The following TLN1 variants were observed in gnomAD, a reference collection of about 807,000 sequenced individuals.
The protein encoded by TLN1 is talin-1.
Under a neutral mutation model 292.3 loss-of-function variants are expected in TLN1, and 56 were observed. That is an observed-to-expected ratio of 0.19 (90% CI 0.15 to 0.24). The LOEUF (loss-of-function observed/expected upper bound fraction) is 0.24, where lower values mean the gene tolerates loss of function less well. Among genes scored for constraint, TLN1 ranks in the 10% least tolerant of loss-of-function variants. The probability of loss-of-function intolerance (pLI) is 1.00; values close to 1 mark genes in which losing one functional copy is unlikely to be tolerated. For missense variants in TLN1, 2,433 were observed against 3,248.2 expected, an observed-to-expected ratio of 0.75 and a Z score of 6.10; for synonymous variants, 1,119 against 1,253.7, an observed-to-expected ratio of 0.89 and a Z score of 2.27.
At position 35,719,529 on chromosome 9, in the gene TLN1, G is replaced by T. The variant is rs773478129; in HGVS notation, c.1677C>A (p.Asn559Lys). The T allele has an allele frequency of 1.9e-6, 3 of 1,613,834 alleles. No homozygotes were observed. The East Asian group carries it at 6.7e-5, about 36-fold the overall frequency. ...AITAGTASVVNLTAGDPAETD... is the reference protein window; with the variant it reads ...AITAGTASVVKLTAGDPAETD... ...TAGCATCCGGCCTACCTGCTGTCAGGTTCACCACAGACGCAGTACCAGCTG... is the reference window on the plus strand; with the variant it reads ...TAGCATCCGGCCTACCTGCTGTCAGTTTCACCACAGACGCAGTACCAGCTG... The change falls in exon 15 of 57, where the codon AAC becomes AAA. Residue 559 changes from asparagine (N) to lysine (K), a missense_variant. This residue lies in a region of TLN1 where 617 missense variants were observed against 770.6 expected (regional missense o/e 0.80). Coordinates refer to ENST00000314888, the MANE Select transcript of TLN1 (RefSeq NM_006289.4). The surrounding 1 kb of genome is among the most constrained non-coding windows in gnomAD (Gnocchi z 4.6).
chr9:35,699,522 G>GA lies in TLN1; in HGVS notation c.6769-62dup. On this transcript the variant is annotated intron_variant, in intron 50 of 56. Transcript: ENST00000314888. This position sits in a 1 kb window ranked among gnomAD's most constrained non-coding sequence, Gnocchi z 4.0. Reference sequence around the variant, plus strand: ...CATCTTAGGGTCTACCCTGATCTATGAAATAGGGCAGACCATGGCCCCCTC... The same window carrying GA: ...CATCTTAGGGTCTACCCTGATCTATGAAAATAGGGCAGACCATGGCCCCCTC... 1.3e-6 allele frequency: 2 copies of GA among 1,547,310 alleles called. No individual in the cohort carries two copies. Among genetic ancestry groups the GA allele is most frequent in the Non-Finnish European group, 1.7e-6 (2 of 1,143,520 alleles).
intron 1 of TLN1, among the ~76,000 whole-genome samples, chr9:35,730,980 G>T (rs1301968228): frequency 6.6e-6 from 1 of 152,032 alleles, no homozygotes; most frequent in African/African-American, 2.4e-5. Context: ...CACCTATGTT[G>T]TCTGTAAACA....
rs142101772 is a variant in TLN1 at position 35,726,814 on chromosome 9, A to G, written c.-33-1087T>C. On this transcript the variant is annotated intron_variant, in intron 1 of 56. Transcript: ENST00000314888. ...TTGTGTTTTGGAGAAGGGGAAATAG[A>G]CTCTGGGAGGCCAGGAAACATTTTC... Among the ~76,000 whole-genome samples, 520 of 152,280 alleles carry G rather than the reference A, an allele frequency of 3.4e-3. 3 individuals carry two copies. The highest frequency in any genetic ancestry group is 5.8e-3 in the Non-Finnish European group (397 of 68,022).
chr9:35,708,023 T>C (rs1825596132), intron 34 of TLN1, 131 bp from the exon 35 acceptor site: 1 of 1,110,016 alleles, frequency 9.0e-7, no homozygotes, highest in Admixed American at 2.5e-5. Context: ...CAGAGTCACC[T>C]GAAAAGTCAA....
intron 34 of TLN1, 73 bp downstream of exon 34, chr9:35,708,268 C>T: frequency 6.7e-7 from 1 of 1,484,702 alleles, no homozygotes; most frequent in Non-Finnish European, 9.0e-7. Flanking sequence ...CCACATGCCT[C>T]ACCTCCCTCT....
rs906098210 is a variant in TLN1 at position 35,721,914 on chromosome 9, G to A, written c.949-111C>T. ...TGTTGAGGTGGCCGGGAGGGCTAACGGACAAGGGAAAATGCAGGGTAGGGA... is the reference window on the plus strand; with the variant it reads ...TGTTGAGGTGGCCGGGAGGGCTAACAGACAAGGGAAAATGCAGGGTAGGGA... On this transcript the variant is annotated intron_variant, in intron 9 of 56. Coordinates refer to ENST00000314888, the MANE Select transcript of TLN1 (RefSeq NM_006289.4). 49 of 1,427,968 alleles carry A rather than the reference G, an allele frequency of 3.4e-5. 1 individual carries two copies. Among genetic ancestry groups the A allele is most frequent in the African/African-American group, 3.3e-4 (23 of 70,734 alleles). The allele number at this position is 1,427,968 out of a possible 1,614,324, so 88.5% of individuals were successfully genotyped here.
Position 35,719,955 on chromosome 9 carries a change from G to A in TLN1, c.1464+84C>T, listed in dbSNP as rs181401539. The stretch of plus-strand genomic sequence containing the variant: ...AGGGAGAGAATACAAATAGGGACCT[G>A]GGAAAAGACTGCCTAACTCCTGGCT... On this transcript the variant is annotated intron_variant, in intron 13 of 56. Coordinates refer to ENST00000314888, the MANE Select transcript of TLN1 (RefSeq NM_006289.4). This position sits in a 1 kb window ranked among gnomAD's most constrained non-coding sequence, Gnocchi z 4.6. 3 of 1,588,338 alleles carry A rather than the reference G, an allele frequency of 1.9e-6. No individual in the cohort carries two copies. In the South Asian group the frequency reaches 3.4e-5, roughly 18 times the overall value.
In TLN1 at chr9:35,717,030, C is replaced by A; in HGVS notation, c.2458+116G>T. On this transcript the variant is annotated intron_variant, in intron 19 of 56. Coordinates refer to ENST00000314888, the MANE Select transcript of TLN1 (RefSeq NM_006289.4). This position sits in a 1 kb window ranked among gnomAD's most constrained non-coding sequence, Gnocchi z 4.7. ...AGCCTATGGTTGTGTGGCTGGCAAGCCCACACTGTGCTGAGTTCCTTGGGG... is the reference window on the plus strand; with the variant it reads ...AGCCTATGGTTGTGTGGCTGGCAAGACCACACTGTGCTGAGTTCCTTGGGG... 1 of 1,206,728 alleles carries A rather than the reference C, an allele frequency of 8.3e-7. No individual in the cohort carries two copies. 74.8% of individuals were successfully genotyped at this position (1,206,728 alleles called of 1,614,324 possible). A position where few individuals can be genotyped will look rare whatever the true frequency, so the allele number is the denominator to read the frequency against.
At chr9:35,709,421 C>A (rs982622576) in intron 33 of TLN1, among the ~76,000 whole-genome samples, 1 of 152,180 alleles carries the variant, frequency 6.6e-6, no homozygotes, top group Non-Finnish European at 1.5e-5. Flanking sequence ...GGTAGGCTTT[C>A]AGGGAAAATA....
intron 25 of TLN1, 104 bp downstream of exon 25, chr9:35,713,849 A>C (rs531248294): frequency 7.8e-7 from 1 of 1,288,086 alleles, no homozygotes; most frequent in South Asian, 1.7e-5. Flanking sequence ...AGAGAAAGAG[A>C]AAAAAGAAAA....
At position 35,700,100 on chromosome 9, in the gene TLN1, G is replaced by C; in HGVS notation, c.6661-19C>G. 1.2e-6 allele frequency: 2 copies of C among 1,604,442 alleles called. No individual in the cohort carries two copies. Among genetic ancestry groups the C allele is most frequent in the Admixed American group, 1.7e-5 (1 of 59,584 alleles). On this transcript the variant is annotated intron_variant, in intron 49 of 56. Coordinates refer to ENST00000314888, the MANE Select transcript of TLN1 (RefSeq NM_006289.4). ...CTGCTTCCTGTCCCCAGAGTAATAT[G>C]TTAGCTTTAGGCCCCGCAGATCCCT...
At position 35,717,500 on chromosome 9, in the gene TLN1, C is replaced by T; in HGVS notation, c.2164-60G>A. On this transcript the variant is annotated intron_variant, in intron 18 of 56. Transcript: ENST00000314888. This position sits in a 1 kb window ranked among gnomAD's most constrained non-coding sequence, Gnocchi z 4.7. ...GGGAAAGGAGGTAGAGTATGCTGCT[C>T]ATAGCAGTAACTGGGATGGGTGAGG... 3 of 1,583,304 alleles carry T rather than the reference C, an allele frequency of 1.9e-6. No homozygotes were observed. In the South Asian group the frequency reaches 3.4e-5, roughly 18 times the overall value.
chr9:35,720,864 C>T lies in TLN1; in HGVS notation c.1154G>A (p.Gly385Glu). Residue 385 changes from glycine (G) to glutamate (E), a missense_variant, in exon 11 of 57, where the codon GGG (glycine) becomes GAG (glutamate). By Grantham distance (98) the Gly-to-Glu change is moderately conservative. This residue lies in a region of TLN1 where 57 missense variants were observed against 136.5 expected (regional missense o/e 0.42). Coordinates refer to ENST00000314888, the MANE Select transcript of TLN1 (RefSeq NM_006289.4). Reference sequence around the variant, plus strand: ...GGCAATGAGCTGTGCAATCTGCTCCCCTTCAGTTGTCTGTACTGAGTAATA... The same window carrying T: ...GGCAATGAGCTGTGCAATCTGCTCCTCTTCAGTTGTCTGTACTGAGTAATA... ...DGYYSVQTTE[G>E]EQIAQLIAGY... The T allele has an allele frequency of 6.2e-7, 1 of 1,614,158 alleles. No homozygotes were observed. Among genetic ancestry groups the T allele is most frequent in the Non-Finnish European group, 8.5e-7 (1 of 1,179,998 alleles).
intron 17 of TLN1, 59 bp downstream of exon 17, chr9:35,718,753 C>T: frequency 6.8e-7 from 1 of 1,476,408 alleles, no homozygotes; most frequent in Non-Finnish European, 9.4e-7. Flanking sequence ...GAACTGGATT[C>T]ACGAGCAGAA....
At chr9:35,723,578 C>A in intron 7 of TLN1, 1 of 236,114 alleles carries the variant, frequency 4.2e-6, no homozygotes, top group Non-Finnish European at 8.4e-6. Flanking sequence ...GAGAAAGCCA[C>A]GCCAAACTCT....
chr9:35,705,767 C>T lies in TLN1; in HGVS notation c.5596G>A (p.Val1866Met). ...AAACTCACCATCTCCTGAACGGTCA[C>T]TGCAATGGCCTTGGCTGTCCGCACC... ...TMVRTAKAIAVTVQEMVTKSN... is the reference protein window; with the variant it reads ...TMVRTAKAIAMTVQEMVTKSN... Residue 1866 changes from valine (V) to methionine (M), a missense_variant, in exon 42 of 57, where the codon GTG becomes ATG. By Grantham distance (21) the Val-to-Met change is conservative. Coordinates refer to ENST00000314888, the MANE Select transcript of TLN1 (RefSeq NM_006289.4). 1 of 1,614,242 alleles carries T rather than the reference C, an allele frequency of 6.2e-7. No homozygotes were observed. Among genetic ancestry groups the T allele is most frequent in the South Asian group, 1.1e-5 (1 of 91,090 alleles).
In TLN1 at chr9:35,697,568, G is replaced by T. The variant is rs1825388580; in HGVS notation, c.*223C>A. On this transcript the variant is annotated 3_prime_UTR_variant, in exon 57 of 57. Coordinates refer to ENST00000314888, the MANE Select transcript of TLN1 (RefSeq NM_006289.4). ...AATACTCTTGGAGCGTTAATACTCT[G>T]GGGAGGGGCAGGCACTTGGGGGGCC... The T allele has an allele frequency of 1.6e-6, 1 of 609,220 alleles. No individual in the cohort carries two copies. Among genetic ancestry groups the T allele is most frequent in the African/African-American group, 1.8e-5 (1 of 54,174 alleles). The allele number at this position is 609,220 out of a possible 1,614,324, so 37.7% of individuals were successfully genotyped here. A position where few individuals can be genotyped will look rare whatever the true frequency, so the allele number is the denominator to read the frequency against.
In TLN1 at chr9:35,705,647, T is replaced by C. The variant is rs1179353947; in HGVS notation, c.5637A>G (p.Pro1879=). 1.9e-6 allele frequency: 3 copies of C among 1,610,548 alleles called. No individual in the cohort carries two copies. Among genetic ancestry groups the C allele is most frequent in the Middle Eastern group, 1.7e-4 (1 of 6,044 alleles). ...GGTTAGCAAGAGGGCCCAGCTCCTC[T>C]GGGCTGGTGTTTGACTTGGTAACCT... ...QEMVTKSNTS[P]EELGPLANQL... The change falls in exon 43 of 57, where the codon CCA becomes CCG. Residue 1879 remains proline, a synonymous_variant. Coordinates refer to ENST00000314888, the MANE Select transcript of TLN1 (RefSeq NM_006289.4).
In TLN1 at chr9:35,705,804, G is replaced by A. The variant is rs772146339; in HGVS notation, c.5559C>T (p.Tyr1853=). Residue 1853 remains tyrosine (Y), a synonymous_variant, in exon 42 of 57, where the codon TAC becomes TAT. Coordinates refer to ENST00000314888, the MANE Select transcript of TLN1 (RefSeq NM_006289.4). ...TGGCTGTCCGCACCATAGTTGTTTG[G>A]TAATCCACGAAGGAACCTTCTGGTT... ...MGEPEGSFVD[Y]QTTMVRTAKA... 7.4e-6 allele frequency: 12 copies of A among 1,614,244 alleles called. No individual in the cohort carries two copies. The highest frequency in any genetic ancestry group is 1.0e-5 in the Non-Finnish European group (12 of 1,180,048).
Sources: allele counts gnomAD v4.1 joint callset (sites outside exome capture counted in the v4.1 genomes callset), GRCh38; gene constraint gnomAD v4.1.1; regional missense constraint gnomAD v4.1.1; non-coding constraint Gnocchi (gnomAD v3.1); transcripts MANE v1.5; gene names NCBI Gene and HGNC (gene_info 2026-07-23, HGNC 2026-07-21).